Variants in FAM20B observed in about 807,000 individuals in gnomAD.
FAM20B encodes the protein glycosaminoglycan xylosylkinase.
In FAM20B, 23 loss-of-function variants were observed where a neutral mutation model predicts 43.8. The observed-to-expected ratio is 0.53, with a 90% CI of 0.38 to 0.74. The LOEUF (loss-of-function observed/expected upper bound fraction) is 0.74. Ranked by LOEUF, FAM20B falls within the 30% of genes least tolerant of loss-of-function variation. The probability of loss-of-function intolerance (pLI) is 0.00; values close to 1 mark genes in which losing one functional copy is unlikely to be tolerated. For synonymous variants in FAM20B, 178 were observed against 192.4 expected (o/e 0.93, Z 0.62); for missense variants, 440 against 510.5 (o/e 0.86, Z 1.33).
At position 179,072,084 on chromosome 1, in the gene FAM20B, C is replaced by A. The variant is rs1175105131; in HGVS notation, c.1170C>A (p.Thr390=). ...TCCTGGCCACCGTGAAGCAGTGCAC[C>A]GACCAGTTTGGGATGGACACAGTAC... ...LSVLATVKQC[T]DQFGMDTVLV... is the part of the protein sequence containing the mutation. Residue 390 remains threonine (T), a synonymous_variant, in exon 8 of 8, where the codon ACC becomes ACA. Coordinates refer to ENST00000263733, the MANE Select transcript of FAM20B (RefSeq NM_014864.4). The A allele has an allele frequency of 6.2e-7, 1 of 1,614,130 alleles. No individual in the cohort carries two copies. The highest frequency in any genetic ancestry group is 8.5e-7 in the Non-Finnish European group (1 of 1,180,022).
intron 3 of FAM20B, 86 bp downstream of exon 3, chr1:179,050,451 A>G (rs933392065): frequency 1.2e-6 from 1 of 856,068 alleles, no homozygotes. Context: ...CTTCAGAAGG[A>G]TGCAACACTA....
At chr1:179,045,665 G>T (rs1650735088) in intron 2 of FAM20B, among the ~76,000 whole-genome samples, 1 of 152,144 alleles carries the variant, frequency 6.6e-6, no homozygotes, top group Non-Finnish European at 1.5e-5. Context: ...AGCACTTGGG[G>T]AGGCCGAGGT....
rs1372344390 is a variant in FAM20B at position 179,051,694 on chromosome 1, T to A, written c.464+1329T>A. Among the ~76,000 whole-genome samples, 3 of 152,210 alleles carry A rather than the reference T, an allele frequency of 2.0e-5. No individual in the cohort carries two copies. In the East Asian group the frequency reaches 5.8e-4, roughly 29 times the overall value. ...CAGAGTCTCACTCTGTCCTCCAGAC[T>A]GGAGTGCAGTAGCCTGATCTTGGCT... On this transcript the variant is annotated intron_variant, in intron 3 of 7. Coordinates refer to ENST00000263733, the MANE Select transcript of FAM20B (RefSeq NM_014864.4).
In FAM20B at chr1:179,072,023, C is replaced by G. The variant is rs1458385132; in HGVS notation, c.1109C>G (p.Pro370Arg). ...HDPISPVLSD[P>R]HLDAVDQRLL... ...CCCATCTCCCCAGTGCTCTCTGATCCTCATCTGGACGCCGTGGACCAGCGG... is the reference window on the plus strand; with the variant it reads ...CCCATCTCCCCAGTGCTCTCTGATCGTCATCTGGACGCCGTGGACCAGCGG... Residue 370 changes from proline (P) to arginine (R), a missense_variant, in exon 8 of 8, where the codon CCT (proline) becomes CGT (arginine). By Grantham distance (103) the Pro-to-Arg change is moderately radical (BLOSUM62 -2). Transcript: ENST00000263733. The G allele has an allele frequency of 6.2e-7, 1 of 1,614,044 alleles. No individual in the cohort carries two copies. The highest frequency in any genetic ancestry group is 8.5e-7 in the Non-Finnish European group (1 of 1,180,026).
chr1:179,062,048 C>A (rs912378676), intron 4 of FAM20B, among the ~76,000 whole-genome samples: 1 of 151,868 alleles, frequency 6.6e-6, no homozygotes, highest in South Asian at 2.1e-4. Context: ...GCTCTGTCTC[C>A]CAGGCTGGAG....
chr1:179,048,300 G>A (rs1248895872), intron 2 of FAM20B, among the ~76,000 whole-genome samples: 2 of 152,146 alleles, frequency 1.3e-5, no homozygotes, highest in Admixed American at 6.5e-5. Flanking sequence ...CCAGAATTCT[G>A]ATTTTCCATA....
intron 3 of FAM20B, 59 bp from the exon 4 acceptor site, chr1:179,054,468 CTG>C (rs1475338976): frequency 9.7e-7 from 1 of 1,034,590 alleles, no homozygotes; most frequent in Non-Finnish European, 1.5e-6. Flanking sequence ...ATTTTTAAGA[CTG>C]TTACTTAAAA....
chr1:179,040,263 G>A lies in FAM20B; in HGVS notation c.-133-3452G>A, dbSNP rs548638889. On this transcript the variant is annotated intron_variant, in intron 1 of 7. Transcript: ENST00000263733. ...AGCCGTTGGGCACACCTCCCAGACG[G>A]GGTGGTGGCCGGGCAGAGGGGCTCC... 3.6e-3 allele frequency among the ~76,000 whole-genome samples: 546 copies of A among 152,340 alleles called. 4 individuals carry two copies. Among genetic ancestry groups the A allele is most frequent in the African/African-American group, 0.013 (520 of 41,586 alleles).
At position 179,074,042 on chromosome 1, in the gene FAM20B, C is replaced by T. The variant is rs1359516526; in HGVS notation, c.*1898C>T. 6.6e-6 allele frequency: 1 copy of T among 152,530 alleles called. No individual in the cohort carries two copies. Among genetic ancestry groups the T allele is most frequent in the East Asian group, 1.9e-4 (1 of 5,196 alleles). The allele number at this position is 152,530 out of a possible 1,614,324, so 9.4% of individuals were successfully genotyped here. A position where few individuals can be genotyped will look rare whatever the true frequency, so the allele number is the denominator to read the frequency against. On this transcript the variant is annotated 3_prime_UTR_variant, in exon 8 of 8. Coordinates refer to ENST00000263733, the MANE Select transcript of FAM20B (RefSeq NM_014864.4). The stretch of plus-strand genomic sequence containing the variant: ...GCCATTGGAAACTAGTTTTAGGCAA[C>T]CACTCTCAAAAACAGCTTTAGAATT...
intron 1 of FAM20B, among the ~76,000 whole-genome samples, chr1:179,038,714 T>C (rs1650355341): frequency 6.6e-6 from 1 of 152,254 alleles, no homozygotes; most frequent in Non-Finnish European, 1.5e-5. Flanking sequence ...ACTGCTGTTA[T>C]CAGTAATCAC....
intron 1 of FAM20B, among the ~76,000 whole-genome samples, chr1:179,042,816 A>T (rs1650600417): frequency 6.6e-6 from 1 of 152,164 alleles, no homozygotes; most frequent in Admixed American, 6.5e-5. Flanking sequence ...TCCCTTGTGC[A>T]CGCAGGTTGT....
chr1:179,037,077 A>T (rs1488773274), intron 1 of FAM20B, among the ~76,000 whole-genome samples: 1 of 152,236 alleles, frequency 6.6e-6, no homozygotes, highest in African/African-American at 2.4e-5. Flanking sequence ...TCTAACTTGG[A>T]AGCTATTTAG....
At chr1:179,058,596 T>C (rs1448178849) in intron 4 of FAM20B, among the ~76,000 whole-genome samples, 3 of 152,176 alleles carry the variant, frequency 2.0e-5, no homozygotes, top group Non-Finnish European at 4.4e-5. Flanking sequence ...CTGTGTACCA[T>C]GCTTAGGAGT....
At chr1:179,064,580 C>T (rs1651614508) in intron 6 of FAM20B, 84 bp downstream of exon 6, 1 of 1,107,108 alleles carries the variant, frequency 9.0e-7, no homozygotes, top group Non-Finnish European at 1.3e-6. Context: ...TGGAGAATAT[C>T]CAGAATGCAA....
intron 1 of FAM20B, among the ~76,000 whole-genome samples, chr1:179,032,923 A>G (rs1650071331): frequency 6.6e-6 from 1 of 152,204 alleles, no homozygotes; most frequent in Non-Finnish European, 1.5e-5. Context: ...ACACAATACT[A>G]AAAGACTTCT....
At chr1:179,069,539 T>G (rs1285004439) in intron 7 of FAM20B, among the ~76,000 whole-genome samples, 1 of 151,874 alleles carries the variant, frequency 6.6e-6, no homozygotes, top group African/African-American at 2.4e-5. Context: ...CCCAGCTAAT[T>G]TTTTGTATTT....
intron 2 of FAM20B, 147 bp from the exon 3 acceptor site, chr1:179,050,132 A>G (rs1650943305): frequency 8.8e-6 from 5 of 569,096 alleles, no homozygotes; most frequent in East Asian, 3.0e-5. Context: ...CCGGCAATTC[A>G]TGCTAATCCA....
At chr1:179,050,482 T>A in intron 3 of FAM20B, 117 bp downstream of exon 3, 1 of 690,496 alleles carries the variant, frequency 1.4e-6, no homozygotes, top group South Asian at 1.8e-5. Context: ...TGTTATCGAT[T>A]TTAGATAGCT....
intron 1 of FAM20B, chr1:179,035,545 T>C: frequency 3.1e-6 from 2 of 652,926 alleles, no homozygotes; most frequent in Non-Finnish European, 5.7e-6. Flanking sequence ...ATGAATTTCT[T>C]AATGGCCTTG....
Sources: gnomAD v4.1 joint callset for allele counts (sites outside exome capture counted in the v4.1 genomes callset) on GRCh38, gnomAD v4.1.1 for gene constraint, MANE v1.5 for transcripts, NCBI Gene and HGNC (gene_info 2026-07-23, HGNC 2026-07-21) for gene names.